ZDHHC13: variants seen among roughly 807,000 people sequenced by gnomAD.
ZDHHC13 encodes palmitoyltransferase ZDHHC13.
A neutral mutation model predicts 86.0 loss-of-function variants in ZDHHC13; 85 were observed. The ratio of observed to expected loss-of-function variants is 0.99; its 90% CI spans 0.83 to 1.18. The LOEUF is 1.18. Ranked by LOEUF, ZDHHC13 falls within the 50% of genes most tolerant of loss-of-function variation. The pLI is 0.00. For missense variants in ZDHHC13, 711 were observed against 730.2 expected, an observed-to-expected ratio of 0.97 and a Z score of 0.30; for synonymous variants, 263 against 246.4, an observed-to-expected ratio of 1.07 and a Z score of -0.63.
chr11:19,137,879 A>G (rs1371830579), intron 1 of ZDHHC13, among the ~76,000 whole-genome samples: 6 of 152,124 alleles, frequency 3.9e-5, no homozygotes, highest in Non-Finnish European at 7.4e-5. Context: ...CAAAGACACA[A>G]CATACCAGAA....
At chr11:19,147,778 C>CCT (rs1250086792) in intron 4 of ZDHHC13, 105 bp downstream of exon 4, 5 of 766,244 alleles carry the variant, frequency 6.5e-6, no homozygotes, top group East Asian at 6.3e-5. Flanking sequence ...TTCTTCCCCC[C>CCT]CCCCCTTTAT....
Position 19,117,364 on chromosome 11 carries a change from C to G in ZDHHC13, c.27+88C>G. 1.5e-6 allele frequency: 2 copies of G among 1,300,018 alleles called. No individual in the cohort carries two copies. Among genetic ancestry groups the G allele is most frequent in the South Asian group, 1.7e-5 (1 of 59,890 alleles). 80.5% of individuals were successfully genotyped at this position (1,300,018 alleles called of 1,614,324 possible). A position where few individuals can be genotyped will look rare whatever the true frequency, so the allele number is the denominator to read the frequency against. The stretch of plus-strand genomic sequence containing the variant: ...AGGATGGTGTGGGTGAGAGGCCGCT[C>G]GATGAGGGGGTTTCGGGAGCGGCGG... On this transcript the variant is annotated intron_variant, in intron 1 of 16. Coordinates refer to ENST00000446113, the MANE Select transcript of ZDHHC13 (RefSeq NM_019028.3). The surrounding 1 kb of genome is among the most constrained non-coding windows in gnomAD (Gnocchi z 4.2).
chr11:19,152,421 A>G (rs1849636997), intron 7 of ZDHHC13, 101 bp downstream of exon 7: 1 of 1,461,826 alleles, frequency 6.8e-7, no homozygotes, highest in Non-Finnish European at 9.1e-7. Context: ...CAGTTACCCC[A>G]AGATAGATAT....
intron 1 of ZDHHC13, among the ~76,000 whole-genome samples, chr11:19,137,245 A>G (rs2133386129): frequency 6.6e-6 from 1 of 152,068 alleles, no homozygotes; most frequent in Non-Finnish European, 1.5e-5. Context: ...ATGGAAAACA[A>G]AAAAAGGCAG....
rs181164001 is a variant in ZDHHC13 at position 19,162,203 on chromosome 11, A to G, written c.1109-1100A>G. Among the ~76,000 whole-genome samples the G allele has an allele frequency of 1.4e-3, 211 of 152,316 alleles. 2 individuals are homozygous for G. The highest frequency in any genetic ancestry group is 4.7e-3 in the African/African-American group (196 of 41,578). ...ATGAGGGGATAAGCTTATGTAGGTT[A>G]GATCTAAAAGACAGCTACTGTGCAG... On this transcript the variant is annotated intron_variant, in intron 10 of 16. Coordinates refer to ENST00000446113, the MANE Select transcript of ZDHHC13 (RefSeq NM_019028.3).
At chr11:19,143,144 G>T in intron 2 of ZDHHC13, 21 bp downstream of exon 2, 1 of 1,602,648 alleles carries the variant, frequency 6.2e-7, no homozygotes. Context: ...CAAATGCTTT[G>T]GTTTATCCTT....
chr11:19,176,203 T>A lies in ZDHHC13; in HGVS notation c.*243T>A. ...AAAAACCATATTTTTCACAAGAAAA[T>A]GCAAGTTACTTTTTTTGGAAATAAT... On this transcript the variant is annotated 3_prime_UTR_variant, in exon 17 of 17. Transcript: ENST00000446113. 1 of 338,538 alleles carries A rather than the reference T, an allele frequency of 3.0e-6. No individual in the cohort carries two copies. Among genetic ancestry groups the A allele is most frequent in the Non-Finnish European group, 5.2e-6 (1 of 191,850 alleles). The allele number at this position is 338,538 out of a possible 1,614,324, so 21.0% of individuals were successfully genotyped here.
intron 1 of ZDHHC13, among the ~76,000 whole-genome samples, chr11:19,133,657 T>C (rs1849054199): frequency 6.6e-6 from 1 of 151,994 alleles, no homozygotes; most frequent in African/African-American, 2.4e-5. Flanking sequence ...GTATGATAGA[T>C]TCCATTTGTA....
rs137935285 is a variant in ZDHHC13 at position 19,146,259 on chromosome 11, G to A, written c.252G>A (p.Ser84=). The A allele has an allele frequency of 7.4e-4, 1,194 of 1,612,966 alleles. 3 individuals carry two copies. The African/African-American group carries it at 0.014, about 18-fold the overall frequency. The part of the protein sequence containing the change: ...DVRQPDKENV[S]LLHWAAINNR... ...GGCAACCAGATAAAGAAAATGTGTC[G>A]CTTCTTCATTGGGCTGCTATTAACA... Residue 84 remains serine, a synonymous_variant, in exon 3 of 17, where the codon TCG becomes TCA. Coordinates refer to ENST00000446113, the MANE Select transcript of ZDHHC13 (RefSeq NM_019028.3).
chr11:19,125,335 C>T (rs1398872597), intron 1 of ZDHHC13, among the ~76,000 whole-genome samples: 2 of 152,126 alleles, frequency 1.3e-5, no homozygotes, highest in African/African-American at 4.8e-5. Flanking sequence ...AGACACTTCA[C>T]CAGAGAAGAT....
Position 19,164,313 on chromosome 11 carries a change from C to G in ZDHHC13, c.1246C>G (p.Leu416Val). The G allele has an allele frequency of 6.2e-7, 1 of 1,613,058 alleles. No homozygotes were observed. Among genetic ancestry groups the G allele is most frequent in the Non-Finnish European group, 8.5e-7 (1 of 1,179,464 alleles). Reference protein sequence around the residue: ...EEEKKVNIITLAETGSLDFRT... With the variant: ...EEEKKVNIITVAETGSLDFRT... ...TCATGTCTTTCAGAATATCATCACC[C>G]TTGCAGAAACTGGCTCTCTGGACTT... The change falls in exon 12 of 17, where the codon CTT (leucine) becomes GTT (valine). Residue 416 changes from leucine (L) to valine (V), a missense_variant. Coordinates refer to ENST00000446113, the MANE Select transcript of ZDHHC13 (RefSeq NM_019028.3).
At position 19,175,827 on chromosome 11, in the gene ZDHHC13, G is replaced by T. The variant is rs752553380; in HGVS notation, c.1736G>T (p.Gly579Val). 12 of 1,610,668 alleles carry T rather than the reference G, an allele frequency of 7.5e-6. No individual in the cohort carries two copies. The highest frequency in any genetic ancestry group is 9.3e-6 in the Non-Finnish European group (11 of 1,178,998). ...LSLRKTPYNL[G>V]FMQNLADFFQ... Reference sequence around the variant, plus strand: ...CTTTTTTTTTTTCTTGGCAGTCTTGGATTCATGCAGAACCTGGCAGATTTC... The same window carrying T: ...CTTTTTTTTTTTCTTGGCAGTCTTGTATTCATGCAGAACCTGGCAGATTTC... Residue 579 changes from glycine to valine, a missense_variant, in exon 17 of 17, where the codon GGA (glycine) becomes GTA (valine). By Grantham distance (109) the Gly-to-Val change is moderately radical (BLOSUM62 -3). Transcript: ENST00000446113.
intron 16 of ZDHHC13, among the ~76,000 whole-genome samples, chr11:19,173,889 A>G (rs775330706): frequency 6.6e-6 from 1 of 152,178 alleles, no homozygotes; most frequent in Non-Finnish European, 1.5e-5. Context: ...AAGAGTCTGA[A>G]TAGAGGGACA....
At position 19,139,240 on chromosome 11, in the gene ZDHHC13, A is replaced by G. The variant is rs550449242; in HGVS notation, c.28-3738A>G. 1.1e-3 allele frequency among the ~76,000 whole-genome samples: 161 copies of G among 152,292 alleles called. 2 individuals are homozygous for G. The highest frequency in any genetic ancestry group is 3.8e-3 in the African/African-American group (157 of 41,538). ...GTCTCAGGATACAAAATCAACGTAC[A>G]AAAATCACAAGGATTCTTATACACC... On this transcript the variant is annotated intron_variant, in intron 1 of 16. Transcript: ENST00000446113.
intron 1 of ZDHHC13, among the ~76,000 whole-genome samples, chr11:19,121,003 A>C (rs1848749076): frequency 6.6e-6 from 1 of 152,232 alleles, no homozygotes; most frequent in Admixed American, 6.5e-5. Context: ...CATCTTGAAA[A>C]GTTAGTTTAC....
At chr11:19,136,454 A>G (rs1474173077) in intron 1 of ZDHHC13, among the ~76,000 whole-genome samples, 2 of 152,230 alleles carry the variant, frequency 1.3e-5, no homozygotes. Context: ...TGATTGGTGT[A>G]CCTGAAAGTG....
At chr11:19,175,282 C>T (rs954963247) in intron 16 of ZDHHC13, among the ~76,000 whole-genome samples, 2 of 150,124 alleles carry the variant, frequency 1.3e-5, no homozygotes, top group Admixed American at 6.7e-5. Flanking sequence ...CCCAGCTACT[C>T]AGGAGGCTGA....
chr11:19,175,638 G>C (rs986344070), intron 16 of ZDHHC13, among the ~76,000 whole-genome samples, 184 bp from the exon 17 acceptor site: 5 of 152,102 alleles, frequency 3.3e-5, no homozygotes, highest in African/African-American at 1.2e-4. Context: ...TATAGATTCA[G>C]GTCCAGAAAT....
At chr11:19,163,537 G>T in intron 11 of ZDHHC13, 110 bp downstream of exon 11, 1 of 1,150,826 alleles carries the variant, frequency 8.7e-7, no homozygotes. Flanking sequence ...CATGACATGT[G>T]GGGTGATATA....
Sources: allele counts gnomAD v4.1 joint callset (sites outside exome capture counted in the v4.1 genomes callset), GRCh38; gene constraint gnomAD v4.1.1; non-coding constraint Gnocchi (gnomAD v3.1); transcripts MANE v1.5; gene names NCBI Gene and HGNC (gene_info 2026-07-23, HGNC 2026-07-21).